The following CLSTN2 variants were observed in gnomAD, a reference collection of about 807,000 sequenced individuals.
CLSTN2 encodes calsyntenin-2.
In CLSTN2, 48 loss-of-function variants were observed where a neutral mutation model predicts 101.2. The ratio of observed to expected loss-of-function variants is 0.47; its 90% CI spans 0.38 to 0.60. The LOEUF (loss-of-function observed/expected upper bound fraction) is 0.60. Among genes scored for constraint, CLSTN2 ranks in the 20% least tolerant of loss-of-function variants. The pLI is 0.00. For synonymous variants in CLSTN2, 481 were observed against 463.6 expected (o/e 1.04, Z -0.48); for missense variants, 1,160 against 1,238.2 (o/e 0.94, Z 0.95).
At chr3:140,190,779 G>T (rs1415330993) in intron 2 of CLSTN2, among the ~76,000 whole-genome samples, 1 of 151,964 alleles carries the variant, frequency 6.6e-6, no homozygotes, top group Non-Finnish European at 1.5e-5. Flanking sequence ...TTTATGTTAT[G>T]CAACCTTGCT....
chr3:140,403,200 A>C (rs1382482749), intron 2 of CLSTN2, among the ~76,000 whole-genome samples: 1 of 152,202 alleles, frequency 6.6e-6, no homozygotes, highest in Non-Finnish European at 1.5e-5. Flanking sequence ...GAACTCTGGA[A>C]CTCACATAGA....
intron 8 of CLSTN2, among the ~76,000 whole-genome samples, chr3:140,503,003 G>A (rs1348698631): frequency 6.6e-6 from 1 of 152,178 alleles, no homozygotes; most frequent in African/African-American, 2.4e-5. Context: ...AAGAGCTTCT[G>A]TTTCCTTCTA....
intron 1 of CLSTN2, among the ~76,000 whole-genome samples, chr3:139,965,561 GAA>G (rs1935581402): frequency 6.6e-6 from 1 of 152,228 alleles, no homozygotes; most frequent in Non-Finnish European, 1.5e-5. Flanking sequence ...CCAGATTCGA[GAA>G]AGAGTGTCTA....
intron 5 of CLSTN2, among the ~76,000 whole-genome samples, chr3:140,433,901 T>G (rs1005697263): frequency 2.6e-5 from 4 of 152,132 alleles, no homozygotes; most frequent in African/African-American, 9.7e-5. Context: ...CAGCCTCAAT[T>G]GTCTCCATGG....
In CLSTN2 at chr3:140,415,486, C is replaced by CAAAAAAAAAAAA. The variant is rs751616049; in HGVS notation, c.638-5626_638-5615dup. 2.4e-3 allele frequency among the ~76,000 whole-genome samples: 136 copies of CAAAAAAAAAAAA among 56,854 alleles called. 2 individuals carry two copies. Among genetic ancestry groups the CAAAAAAAAAAAA allele is most frequent in the Middle Eastern group, 0.025 (1 of 40 alleles). 37.3% of individuals were successfully genotyped at this position (56,854 alleles called of 152,430 possible). A position where few individuals can be genotyped will look rare whatever the true frequency, so the allele number is the denominator to read the frequency against. ...GAGGAACTCATATAACACAAAATAG[C>CAAAAAAAAAAAA]AAAAAAAAAAAAAAAAAAAAAAAAC... On this transcript the variant is annotated intron_variant, in intron 4 of 16. Coordinates refer to ENST00000458420, the MANE Select transcript of CLSTN2 (RefSeq NM_022131.3).
At chr3:140,194,327 A>C (rs377126053) in intron 2 of CLSTN2, among the ~76,000 whole-genome samples, 12 of 152,006 alleles carry the variant, frequency 7.9e-5, no homozygotes, top group African/African-American at 2.9e-4. Context: ...AGTTCTTTTT[A>C]TAAGGGCACT....
At chr3:140,479,424 C>T (rs972289387) in intron 8 of CLSTN2, among the ~76,000 whole-genome samples, 1 of 152,108 alleles carries the variant, frequency 6.6e-6, no homozygotes, top group African/African-American at 2.4e-5. Context: ...ATGTATTATC[C>T]ATAATATCCA....
intron 2 of CLSTN2, among the ~76,000 whole-genome samples, chr3:140,350,879 C>T (rs993971308): frequency 1.3e-5 from 2 of 152,138 alleles, no homozygotes; most frequent in Non-Finnish European, 2.9e-5. Flanking sequence ...TTTCACAAAA[C>T]CCTGGACTCA....
In CLSTN2 at chr3:140,553,152, C is replaced by T. The variant is rs191104695; in HGVS notation, c.1675-3361C>T. 2.6e-3 allele frequency among the ~76,000 whole-genome samples: 393 copies of T among 152,222 alleles called. 4 individuals are homozygous for T. The highest frequency in any genetic ancestry group is 5.2e-4 in the Admixed American group (8 of 15,298). On this transcript the variant is annotated intron_variant, in intron 10 of 16. Transcript: ENST00000458420. The stretch of plus-strand genomic sequence containing the variant: ...GGGTGGTGCTCTTGGCCTGATGTCA[C>T]GGCTCAGTGAGACACCGCTCCTCAG...
At chr3:140,067,375 A>C (rs2008317392) in intron 1 of CLSTN2, among the ~76,000 whole-genome samples, 1 of 115,558 alleles carries the variant, frequency 8.7e-6, no homozygotes, top group African/African-American at 3.2e-5. Context: ...CACAGCTTTC[A>C]TCTGTTTCCC....
intron 1 of CLSTN2, among the ~76,000 whole-genome samples, chr3:140,001,260 TCTC>T (rs1232783590): frequency 6.6e-6 from 1 of 151,956 alleles, no homozygotes; most frequent in East Asian, 1.9e-4. Context: ...GCTCTTCTCT[TCTC>T]CTCCCATCCT....
intron 6 of CLSTN2, among the ~76,000 whole-genome samples, chr3:140,450,571 T>C (rs1397003426): frequency 6.6e-6 from 1 of 152,158 alleles, no homozygotes; most frequent in African/African-American, 2.4e-5. Context: ...ACTCTTACAG[T>C]GGGCTTGTAT....
At chr3:140,379,632 C>T (rs1018479240) in intron 2 of CLSTN2, among the ~76,000 whole-genome samples, 1 of 152,268 alleles carries the variant, frequency 6.6e-6, no homozygotes, top group East Asian at 1.9e-4. Flanking sequence ...AACACAGCAT[C>T]AATTTTAAAA....
chr3:139,941,844 C>G (rs185361816), intron 1 of CLSTN2, among the ~76,000 whole-genome samples: 1 of 152,304 alleles, frequency 6.6e-6, no homozygotes, highest in Non-Finnish European at 1.5e-5. Flanking sequence ...TTATTGAGTT[C>G]ATACTATGTG....
intron 7 of CLSTN2, among the ~76,000 whole-genome samples, chr3:140,465,207 G>A (rs753059763): frequency 2.6e-5 from 4 of 152,164 alleles, no homozygotes. Context: ...CATCATCAAG[G>A]TAAAGTGTAT....
chr3:140,277,551 T>C (rs1307757944), intron 2 of CLSTN2, among the ~76,000 whole-genome samples: 1 of 152,234 alleles, frequency 6.6e-6, no homozygotes, highest in African/African-American at 2.4e-5. Context: ...GTCTGAAGAA[T>C]CTTCTATTCA....
intron 1 of CLSTN2, among the ~76,000 whole-genome samples, chr3:140,054,029 G>A (rs1426116979): frequency 6.6e-6 from 1 of 152,206 alleles, no homozygotes; most frequent in African/African-American, 2.4e-5. Context: ...ATCTGGCTGG[G>A]AAATCCTGGC....
chr3:140,371,418 T>C (rs1198316100), intron 2 of CLSTN2, among the ~76,000 whole-genome samples: 1 of 152,192 alleles, frequency 6.6e-6, no homozygotes, highest in Admixed American at 6.5e-5. Context: ...AACCAAGGAC[T>C]GACCATGTTG....
At chr3:140,548,260 C>A (rs947011440) in intron 10 of CLSTN2, among the ~76,000 whole-genome samples, 1 of 152,342 alleles carries the variant, frequency 6.6e-6, no homozygotes, top group East Asian at 1.9e-4. Context: ...CCCAAGCAGA[C>A]ATTTGTAATC....
Sources: gnomAD v4.1 joint callset for allele counts (sites outside exome capture counted in the v4.1 genomes callset) on GRCh38, gnomAD v4.1.1 for gene constraint, MANE v1.5 for transcripts, NCBI Gene and HGNC (gene_info 2026-07-23, HGNC 2026-07-21) for gene names.